ZNF133: variants seen among roughly 807,000 people sequenced by gnomAD.
ZNF133 encodes zinc finger protein 133.
ZNF133 carries 26 observed loss-of-function variants against 54.9 expected under a neutral mutation model. The ratio of observed to expected loss-of-function variants is 0.47; its 90% confidence interval spans 0.35 to 0.66. ZNF133 has a LOEUF of 0.66. ZNF133 is among the 30% of genes least tolerant of loss of function. The probability of loss-of-function intolerance (pLI) is 0.01; values close to 1 mark genes in which losing one functional copy is unlikely to be tolerated. For missense variants in ZNF133, 653 were observed against 820.8 expected, an observed-to-expected ratio of 0.80 and a Z score of 2.50; for synonymous variants, 298 against 320.3, an observed-to-expected ratio of 0.93 and a Z score of 0.74.
chr20:18,307,093 G>T (rs1600498663), intron 6 of ZNF133, among the ~76,000 whole-genome samples: 1 of 151,828 alleles, frequency 6.6e-6, no homozygotes, highest in Non-Finnish European at 1.5e-5. Context: ...ATTGTCATTT[G>T]TATTATACAC....
At position 18,294,280 on chromosome 20, in the gene ZNF133, C is replaced by G. The variant is rs76606656; in HGVS notation, c.-431-3705C>G. ...GTTCTAATCATGAAAAAACATCGGA[C>G]AAACCAAAACTGAGGGATACCCTTC... On this transcript the variant is annotated intron_variant, in intron 1 of 6. Transcript: ENST00000425686. 4.7e-3 allele frequency among the ~76,000 whole-genome samples: 711 copies of G among 152,202 alleles called. 7 individuals carry two copies. The highest frequency in any genetic ancestry group is 0.017 in the African/African-American group (686 of 41,508).
At chr20:18,306,527 A>T in intron 6 of ZNF133, 134 bp downstream of exon 6, 2 of 963,756 alleles carry the variant, frequency 2.1e-6, no homozygotes, top group Non-Finnish European at 3.1e-6. Context: ...AGATTGCCTG[A>T]CACGGCCTCC....
At chr20:18,299,877 A>C (rs2043019795) in intron 3 of ZNF133, among the ~76,000 whole-genome samples, 1 of 152,224 alleles carries the variant, frequency 6.6e-6, no homozygotes, top group African/African-American at 2.4e-5. Flanking sequence ...TTACTGAGGC[A>C]GAAATTAAGA....
rs1376566835 is a variant in ZNF133, at chr20:18,316,252, G to A, written c.1401G>A (p.Val467=). The part of the protein sequence containing the change: ...QNIHSGEKPI[V]CKDCGRGFSQ... ...TACACTCAGGAGAGAAGCCCATTGTGTGCAAGGACTGTGGCCGGGGCTTCA... is the reference window on the plus strand; with the variant it reads ...TACACTCAGGAGAGAAGCCCATTGTATGCAAGGACTGTGGCCGGGGCTTCA... Residue 467 remains valine, a synonymous_variant, in exon 7 of 7, where the codon GTG becomes GTA. Coordinates refer to ENST00000425686, the MANE Select transcript of ZNF133 (RefSeq NM_001352452.2). The A allele has an allele frequency of 6.2e-7, 1 of 1,610,310 alleles. No homozygotes were observed. Among genetic ancestry groups the A allele is most frequent in the Non-Finnish European group, 8.5e-7 (1 of 1,178,210 alleles).
intron 6 of ZNF133, chr20:18,306,779 G>C (rs1406178813): frequency 4.7e-6 from 6 of 1,288,564 alleles, no homozygotes; most frequent in Non-Finnish European, 6.0e-6. Flanking sequence ...AATCTAAAAA[G>C]CCAATAGAGA....
chr20:18,297,450 T>C (rs537880116), intron 1 of ZNF133, among the ~76,000 whole-genome samples: 1 of 152,258 alleles, frequency 6.6e-6, no homozygotes, highest in South Asian at 2.1e-4. Flanking sequence ...GTATATCTCA[T>C]ATCCCAAAAT....
In ZNF133 at chr20:18,316,589, T is replaced by G. The variant is rs745319312; in HGVS notation, c.1738T>G (p.Cys580Gly). 1.9e-6 allele frequency: 3 copies of G among 1,613,990 alleles called. No homozygotes were observed. Among genetic ancestry groups the G allele is most frequent in the Non-Finnish European group, 2.5e-6 (3 of 1,180,040 alleles). The change falls in exon 7 of 7, where the codon TGC becomes GGC. Residue 580 changes from cysteine to glycine, a missense_variant. Cys to Gly is a radical substitution (Grantham distance 159). Transcript: ENST00000425686. ...RAHSEEKPCV[C>G]RECGQGFLQK... is the part of the protein sequence containing the mutation. ...TCACTCGGAAGAGAAGCCTTGTGTG[T>G]GCAGAGAGTGTGGCCAAGGCTTTCT...
intron 5 of ZNF133, 45 bp from the exon 6 acceptor site, chr20:18,306,253 C>T: frequency 6.4e-7 from 1 of 1,571,664 alleles, no homozygotes; most frequent in South Asian, 1.1e-5. Flanking sequence ...TGAATGGGCT[C>T]TTGAGCCCAT....
At chr20:18,314,960 G>A in intron 6 of ZNF133, 109 bp from the exon 7 acceptor site, 1 of 1,073,404 alleles carries the variant, frequency 9.3e-7, no homozygotes, top group Non-Finnish European at 1.3e-6. Context: ...AGTCCCGGTT[G>A]GATGGCACTT....
Position 18,298,292 on chromosome 20 carries a change from C to T in ZNF133, c.-350C>T. ...GAGTCTGCATTTCTTTGTTCAGCTTCAAAAGTTCTGCTGCCTGAGAGTAAC... is the reference window on the plus strand; with the variant it reads ...GAGTCTGCATTTCTTTGTTCAGCTTTAAAAGTTCTGCTGCCTGAGAGTAAC... On this transcript the variant is annotated 5_prime_UTR_variant, in exon 3 of 7. It introduces an in-frame stop codon into an upstream open reading frame of the 5' UTR. Coordinates refer to ENST00000425686, the MANE Select transcript of ZNF133 (RefSeq NM_001352452.2). 3 of 1,357,340 alleles carry T rather than the reference C, an allele frequency of 2.2e-6. No individual in the cohort carries two copies. Among genetic ancestry groups the T allele is most frequent in the Non-Finnish European group, 2.8e-6 (3 of 1,057,024 alleles). 84.1% of individuals were successfully genotyped at this position (1,357,340 alleles called of 1,614,324 possible).
chr20:18,295,758 G>A lies in ZNF133; in HGVS notation c.-431-2227G>A, dbSNP rs187021673. On this transcript the variant is annotated intron_variant, in intron 1 of 6. Coordinates refer to ENST00000425686, the MANE Select transcript of ZNF133 (RefSeq NM_001352452.2). ...TGCAGCCTCAACCTCCCAGGTTCAA[G>A]TGATGCTCCCTCCTCAGCCTCCTGA... is the stretch of plus-strand genomic sequence containing the variant. 2.0e-3 allele frequency among the ~76,000 whole-genome samples: 303 copies of A among 152,280 alleles called. 5 individuals are homozygous for A. The highest frequency in any genetic ancestry group is 0.019 in the Admixed American group (297 of 15,282).
At position 18,306,342 on chromosome 20, in the gene ZNF133, G is replaced by C. The variant is rs138342463; in HGVS notation, c.166G>C (p.Gly56Arg). 2.5e-6 allele frequency: 4 copies of C among 1,613,858 alleles called. No homozygotes were observed. In the African/African-American group the frequency reaches 5.3e-5, roughly 22 times the overall value. ...KPELITQLEQ[G>R]KETWREEKKC... ...AGAACTCATCACCCAGCTGGAGCAA[G>C]GGAAAGAGACCTGGAGAGAGGAAAA... Residue 56 changes from glycine to arginine, a missense_variant, in exon 6 of 7, where the codon GGG becomes CGG. Physicochemically the swap from Gly to Arg is moderately radical, Grantham distance 125 (BLOSUM62 -2). Coordinates refer to ENST00000425686, the MANE Select transcript of ZNF133 (RefSeq NM_001352452.2).
rs371594383 is a variant in ZNF133 at position 18,298,243 on chromosome 20, C to T, written c.-353-46C>T. On this transcript the variant is annotated intron_variant, in intron 2 of 6. Coordinates refer to ENST00000425686, the MANE Select transcript of ZNF133 (RefSeq NM_001352452.2). ...GTTATTCACCTAGTAAACTGAACAACACACAATTCTACAGTATGAGATAGA... is the reference window on the plus strand; with the variant it reads ...GTTATTCACCTAGTAAACTGAACAATACACAATTCTACAGTATGAGATAGA... The T allele has an allele frequency of 3.7e-5, 54 of 1,458,460 alleles. No individual in the cohort carries two copies. The East Asian group carries it at 7.0e-4, about 19-fold the overall frequency. 90.3% of individuals were successfully genotyped at this position (1,458,460 alleles called of 1,614,324 possible).
rs577610549 is a variant in ZNF133, at chr20:18,316,972, A to G, written c.*156A>G. ...GTTTTGTGGCCTTCGGTTGTAATAA[A>G]CTTGGCTTCTTTATACATCTGTAAC... is the stretch of plus-strand genomic sequence containing the variant. On this transcript the variant is annotated 3_prime_UTR_variant, in exon 7 of 7. Transcript: ENST00000425686. The G allele has an allele frequency of 4.2e-6, 4 of 951,262 alleles. No individual in the cohort carries two copies. The highest frequency in any genetic ancestry group is 6.1e-6 in the Non-Finnish European group (4 of 659,592). The allele number at this position is 951,262 out of a possible 1,614,324, so 58.9% of individuals were successfully genotyped here. A position where few individuals can be genotyped will look rare whatever the true frequency, so the allele number is the denominator to read the frequency against.
At chr20:18,308,053 CTGT>C (rs2045043972) in intron 6 of ZNF133, among the ~76,000 whole-genome samples, 1 of 152,028 alleles carries the variant, frequency 6.6e-6, no homozygotes, top group Non-Finnish European at 1.5e-5. Context: ...ACATAGAAGT[CTGT>C]TGTTATTTAC....
intron 6 of ZNF133, among the ~76,000 whole-genome samples, chr20:18,311,008 C>T (rs1275635330): frequency 6.6e-6 from 1 of 152,128 alleles, no homozygotes; most frequent in Non-Finnish European, 1.5e-5. Flanking sequence ...AGAGGTAACA[C>T]AGAAGCCTAA....
rs2147983097 is a variant in ZNF133 at position 18,316,375 on chromosome 20, C to A, written c.1524C>A (p.Asn508Lys). ...GGCGAGGCTTCAGCCAGAAGTCAAA[C>A]CTTGTTGCACACCAGAGGACGCACT... is the stretch of plus-strand genomic sequence containing the variant. ...ECGRGFSQKS[N>K]LVAHQRTHSG... is the part of the protein sequence containing the mutation. The change falls in exon 7 of 7, where the codon AAC (asparagine) becomes AAA (lysine). Residue 508 changes from asparagine to lysine, a missense_variant. Physicochemically the swap from Asn to Lys is moderately conservative, Grantham distance 94. Coordinates refer to ENST00000425686, the MANE Select transcript of ZNF133 (RefSeq NM_001352452.2). 1 of 1,613,878 alleles carries A rather than the reference C, an allele frequency of 6.2e-7. No individual in the cohort carries two copies. The highest frequency in any genetic ancestry group is 1.6e-4 in the Middle Eastern group (1 of 6,062).
At chr20:18,310,336 T>G in intron 6 of ZNF133, 1 of 1,522,998 alleles carries the variant, frequency 6.6e-7, no homozygotes, top group Admixed American at 2.1e-5. Context: ...GGTTTCATTA[T>G]TCTATATTTG....
rs953049928 is a variant in ZNF133 at position 18,315,344 on chromosome 20, G to T, written c.493G>T (p.Ala165Ser). The change falls in exon 7 of 7, where the codon GCG becomes TCG. Residue 165 changes from alanine to serine, a missense_variant. Around this residue, in one of 4 missense-constraint regions of ZNF133, gnomAD observed 227 missense variants for 233.9 expected, o/e 0.97. Transcript: ENST00000425686. Reference sequence around the variant, plus strand: ...AAGAACCAAGAAAAGGACTCTGGGAGCGTTCTCCAGGCCACCCCAGAGGCA... The same window carrying T: ...AAGAACCAAGAAAAGGACTCTGGGATCGTTCTCCAGGCCACCCCAGAGGCA... The part of the protein sequence containing the change: ...FGRTKKRTLG[A>S]FSRPPQRQPV... 8 of 1,614,024 alleles carry T rather than the reference G, an allele frequency of 5.0e-6. No homozygotes were observed. Among genetic ancestry groups the T allele is most frequent in the South Asian group, 4.4e-5 (4 of 91,084 alleles).
Sources: allele counts gnomAD v4.1 joint callset (sites outside exome capture counted in the v4.1 genomes callset), GRCh38; gene constraint gnomAD v4.1.1; regional missense constraint gnomAD v4.1.1; transcripts MANE v1.5; gene names NCBI Gene and HGNC (gene_info 2026-07-23, HGNC 2026-07-21).